The following CTNNA2 variants were observed in gnomAD, a reference collection of about 807,000 sequenced individuals.
CTNNA2 encodes the protein catenin alpha-2.
CTNNA2 carries 42 observed loss-of-function variants against 101.0 expected under a neutral mutation model. That is an observed-to-expected ratio of 0.42 (90% CI 0.32 to 0.54). CTNNA2 has a LOEUF of 0.54. Among genes scored for constraint, CTNNA2 ranks in the 20% least tolerant of loss-of-function variants. The probability of loss-of-function intolerance (pLI) is 0.14; values close to 1 mark genes in which losing one functional copy is unlikely to be tolerated. For synonymous variants in CTNNA2, 450 were observed against 456.4 expected, an observed-to-expected ratio of 0.99 and a Z score of 0.18; for missense variants, 871 against 1,223.1, an observed-to-expected ratio of 0.71 and a Z score of 4.29.
At chr2:80,141,077 G>A (rs1165635210) in intron 7 of CTNNA2, among the ~76,000 whole-genome samples, 4 of 151,912 alleles carry the variant, frequency 2.6e-5, no homozygotes, top group Non-Finnish European at 4.4e-5. Context: ...GCCCTCCCTT[G>A]TTACTGTTTT....
chr2:79,230,670 T>C (rs1429883085), intron 2 of CTNNA2, among the ~76,000 whole-genome samples: 1 of 152,080 alleles, frequency 6.6e-6, no homozygotes, highest in Admixed American at 6.5e-5. Flanking sequence ...CCTAGAATGG[T>C]ACATCTGCCA....
intron 1 of CTNNA2, among the ~76,000 whole-genome samples, chr2:79,640,177 C>G (rs777608200): frequency 6.6e-6 from 1 of 152,080 alleles, no homozygotes; most frequent in Non-Finnish European, 1.5e-5. Flanking sequence ...GACTTAAAGT[C>G]GTTCTAAATA....
rs1699094008 is a variant in CTNNA2 at position 80,619,075 on chromosome 2, C to T, written c.2431-10C>T. On this transcript the variant is annotated splice_polypyrimidine_tract_variant and intron_variant, in intron 17 of 18. Coordinates refer to ENST00000402739, the MANE Select transcript of CTNNA2 (RefSeq NM_001282597.3). ...CTCATTCTCTCTTTTCTGTATCTCT[C>T]GGAAATCAGACAGGAGTTCAGAGCA... 3 of 1,434,078 alleles carry T rather than the reference C, an allele frequency of 2.1e-6. No individual in the cohort carries two copies. Among genetic ancestry groups the T allele is most frequent in the Non-Finnish European group, 1.8e-6 (2 of 1,084,766 alleles). The allele number at this position is 1,434,078 out of a possible 1,614,324, so 88.8% of individuals were successfully genotyped here.
intron 9 of CTNNA2, among the ~76,000 whole-genome samples, chr2:80,460,549 G>T (rs976955960): frequency 2.0e-5 from 3 of 151,724 alleles, no homozygotes; most frequent in African/African-American, 4.8e-5. Context: ...TCTTTCTCCC[G>T]CTTCTTCTTT....
At chr2:80,579,108 C>T (rs2149713331) in intron 13 of CTNNA2, 1 of 152,284 alleles carries the variant, frequency 6.6e-6, no homozygotes, top group Admixed American at 6.5e-5. Flanking sequence ...TTGCCAAAGA[C>T]ATATAGCTTG....
intron 9 of CTNNA2, among the ~76,000 whole-genome samples, chr2:80,521,928 A>G (rs1041741032): frequency 1.3e-5 from 2 of 152,208 alleles, no homozygotes; most frequent in African/African-American, 4.8e-5. Context: ...ATAGGTAGAG[A>G]AAGAATTAGC....
At chr2:80,098,473 A>G (rs1232718438) in intron 7 of CTNNA2, among the ~76,000 whole-genome samples, 1 of 152,214 alleles carries the variant, frequency 6.6e-6, no homozygotes, top group African/African-American at 2.4e-5. Flanking sequence ...CTTGAGAGGC[A>G]GTATCCCCGT....
At chr2:79,523,823 C>T (rs1225816027) in intron 1 of CTNNA2, among the ~76,000 whole-genome samples, 1 of 151,932 alleles carries the variant, frequency 6.6e-6, no homozygotes, top group Non-Finnish European at 1.5e-5. Flanking sequence ...AATTTGTTTC[C>T]CAGATTTCTA....
intron 4 of CTNNA2, among the ~76,000 whole-genome samples, chr2:79,375,486 G>GCATT (rs1432327778): frequency 6.6e-6 from 1 of 152,130 alleles, no homozygotes; most frequent in East Asian, 1.9e-4. Flanking sequence ...ATTCAATAAA[G>GCATT]CATTCATTCA....
chr2:80,447,286 T>C (rs116119475), intron 9 of CTNNA2, among the ~76,000 whole-genome samples: 3,369 of 152,294 alleles, frequency 0.022, 126 homozygotes, highest in African/African-American at 0.076. Context: ...ATTGCAAATC[T>C]TTTGGGTAAT....
chr2:80,152,927 C>T (rs11677311), intron 7 of CTNNA2, among the ~76,000 whole-genome samples: 2,804 of 152,276 alleles, frequency 0.018, 36 homozygotes, highest in East Asian at 0.048. Context: ...TGCACCTTCC[C>T]TTCAAGAACT....
chr2:80,565,421 G>A (rs1377607546), intron 12 of CTNNA2, among the ~76,000 whole-genome samples: 1 of 152,072 alleles, frequency 6.6e-6, no homozygotes, highest in Non-Finnish European at 1.5e-5. Flanking sequence ...GGAGAGAAGG[G>A]CATAGAACTG....
chr2:80,254,562 A>G (rs142085727), intron 7 of CTNNA2, among the ~76,000 whole-genome samples: 309 of 152,266 alleles, frequency 2.0e-3, no homozygotes, highest in African/African-American at 7.2e-3. Flanking sequence ...CGACTGACCT[A>G]GTGTTTCCCA....
intron 7 of CTNNA2, among the ~76,000 whole-genome samples, chr2:79,975,074 T>G (rs1690741005): frequency 6.6e-6 from 1 of 152,180 alleles, no homozygotes; most frequent in Admixed American, 6.5e-5. Flanking sequence ...TCTCATTTTC[T>G]GCCCTAAGAA....
intron 2 of CTNNA2, among the ~76,000 whole-genome samples, chr2:79,743,511 A>C (rs1457856705): frequency 1.3e-5 from 2 of 150,840 alleles, no homozygotes; most frequent in Non-Finnish European, 3.0e-5. Flanking sequence ...CTCACATAAA[A>C]TTTTCCATTT....
In CTNNA2 at chr2:79,651,115, C is replaced by T. The variant is rs2104473572; in HGVS notation, c.-5-437C>T. Among the ~76,000 whole-genome samples, 2 of 152,172 alleles carry T rather than the reference C, an allele frequency of 1.3e-5. 1 individual carries two copies. Among genetic ancestry groups the T allele is most frequent in the South Asian group, 4.2e-4 (2 of 4,816 alleles). On this transcript the variant is annotated intron_variant, in intron 1 of 18. Transcript: ENST00000402739. ...ATTGTGGAAGTCAGTGTGGCGATTC[C>T]TCAGGGATCTAGAACTCTCTGTGTT...
intron 7 of CTNNA2, among the ~76,000 whole-genome samples, chr2:80,149,734 T>C (rs1703570972): frequency 6.6e-6 from 1 of 151,296 alleles, no homozygotes; most frequent in Non-Finnish European, 1.5e-5. Flanking sequence ...TTAAAGAGGA[T>C]CTTCAACTCT....
intron 8 of CTNNA2, among the ~76,000 whole-genome samples, chr2:80,411,552 G>C (rs142981121): frequency 6.6e-6 from 1 of 152,066 alleles, no homozygotes; most frequent in Non-Finnish European, 1.5e-5. Flanking sequence ...TACTTTACTC[G>C]TTCAGGAATC....
chr2:79,489,224 A>G (rs964473912), intron 4 of CTNNA2, among the ~76,000 whole-genome samples: 1 of 152,066 alleles, frequency 6.6e-6, no homozygotes, highest in Non-Finnish European at 1.5e-5. Flanking sequence ...TATTTTCTCT[A>G]TAAGAATGGT....
Sources: allele counts gnomAD v4.1 joint callset (sites outside exome capture counted in the v4.1 genomes callset), GRCh38; gene constraint gnomAD v4.1.1; transcripts MANE v1.5; gene names NCBI Gene and HGNC (gene_info 2026-07-23, HGNC 2026-07-21).